Variants in FBLN7 observed in about 807,000 individuals in gnomAD.
The protein encoded by FBLN7 is fibulin 7.
In FBLN7, 31 loss-of-function variants were observed where a neutral mutation model predicts 44.0. The ratio of observed to expected loss-of-function variants is 0.70; its 90% CI spans 0.53 to 0.95. The LOEUF (loss-of-function observed/expected upper bound fraction) is 0.95, where lower values mean the gene tolerates loss of function less well. FBLN7 is among the 40% of genes least tolerant of loss of function. The pLI is 0.00. For synonymous variants in FBLN7, 262 were observed against 253.4 expected (o/e 1.03, Z -0.32); for missense variants, 573 against 618.5 (o/e 0.93, Z 0.78).
the FBLN7 span, among the ~76,000 whole-genome samples, chr2:112,216,820 C>T: frequency 5.9e-5 from 9 of 151,582 alleles, no homozygotes; most frequent in African/African-American, 1.7e-4. Context: ...TAAACATTAT[C>T]GGACAAAAGC....
At chr2:112,177,023 C>A in intron 4 of FBLN7, 1 of 152,118 alleles carries the variant, frequency 6.6e-6, no homozygotes, top group Non-Finnish European at 1.5e-5. Context: ...GCAACCTCCG[C>A]CTCCTGAGTT....
At chr2:112,228,500 C>CAA in the FBLN7 span, among the ~76,000 whole-genome samples, 2 of 77,048 alleles carry the variant, frequency 2.6e-5, no homozygotes, top group Admixed American at 1.5e-4. Context: ...GACTCTGTCT[C>CAA]AAAAAAAAAA....
chr2:112,205,351 A>G, the FBLN7 span, among the ~76,000 whole-genome samples: 1 of 152,132 alleles, frequency 6.6e-6, no homozygotes, highest in Non-Finnish European at 1.5e-5. Context: ...CAGCAATTAT[A>G]TTAAGTGTAT....
the FBLN7 span, among the ~76,000 whole-genome samples, chr2:112,210,567 A>G: frequency 2.0e-5 from 3 of 149,992 alleles, no homozygotes; most frequent in Non-Finnish European, 4.4e-5. Flanking sequence ...GAGGCAGGAG[A>G]ACTGCTTGAA....
chr2:112,174,642 T>C (rs1348607423), intron 3 of FBLN7, among the ~76,000 whole-genome samples: 1 of 152,248 alleles, frequency 6.6e-6, no homozygotes, highest in African/African-American at 2.4e-5. Context: ...TTCTGTGCAC[T>C]AAAACTGGGC....
chr2:112,238,249 C>T, the FBLN7 span: 11 of 1,486,334 alleles, frequency 7.4e-6, no homozygotes, highest in East Asian at 6.8e-5. Flanking sequence ...ATCCTCTGTC[C>T]GTATATGGAC....
intron 4 of FBLN7, among the ~76,000 whole-genome samples, chr2:112,179,097 C>T (rs758343316): frequency 1.3e-5 from 2 of 152,156 alleles, no homozygotes; most frequent in Admixed American, 6.5e-5. Context: ...CCCAAAGTCT[C>T]GGCCCAAAAG....
chr2:112,169,378 A>C (rs1405544756), intron 3 of FBLN7, among the ~76,000 whole-genome samples: 1 of 152,142 alleles, frequency 6.6e-6, no homozygotes, highest in African/African-American at 2.4e-5. Context: ...GGCTTTCTCC[A>C]TTTCTCCTTT....
chr2:112,143,024 A>G (rs1000495683), intron 1 of FBLN7, among the ~76,000 whole-genome samples: 2 of 152,154 alleles, frequency 1.3e-5, no homozygotes, highest in Non-Finnish European at 2.9e-5. Flanking sequence ...TGCAGGGTCC[A>G]GAGCAGTGGT....
chr2:112,219,006 G>T, the FBLN7 span, among the ~76,000 whole-genome samples: 1 of 152,134 alleles, frequency 6.6e-6, no homozygotes, highest in South Asian at 2.1e-4. Context: ...AGACAATATT[G>T]TTAAGATGTT....
At chr2:112,221,406 T>A in the FBLN7 span, among the ~76,000 whole-genome samples, 1 of 152,204 alleles carries the variant, frequency 6.6e-6, no homozygotes, top group East Asian at 1.9e-4. Flanking sequence ...CCTTCTGCCA[T>A]GTCTGTAAGT....
intron 3 of FBLN7, among the ~76,000 whole-genome samples, chr2:112,169,454 G>A (rs554987760): frequency 4.6e-5 from 7 of 152,200 alleles, no homozygotes; most frequent in African/African-American, 1.7e-4. Context: ...TTTCTGAATT[G>A]GTAACCATAG....
At chr2:112,224,945 T>C in the FBLN7 span, among the ~76,000 whole-genome samples, 3 of 152,208 alleles carry the variant, frequency 2.0e-5, no homozygotes, top group African/African-American at 7.2e-5. Flanking sequence ...CTGTATACTC[T>C]CCATTTATTT....
downstream of FBLN7, chr2:112,188,500 A>G (rs1447580132): frequency 6.6e-6 from 1 of 152,218 alleles, no homozygotes; most frequent in Non-Finnish European, 1.5e-5. Context: ...CAGGTGATCA[A>G]AGAGAGAAAA....
At chr2:112,185,365 C>T (rs981538301) in intron 7 of FBLN7, 26 bp downstream of exon 7, 1 of 1,602,356 alleles carries the variant, frequency 6.2e-7, no homozygotes, top group African/African-American at 1.3e-5. Flanking sequence ...GGAGGCACAC[C>T]CTCACCCAGG....
intron 4 of FBLN7, among the ~76,000 whole-genome samples, chr2:112,180,063 T>C (rs1460012310): frequency 1.3e-5 from 2 of 152,152 alleles, no homozygotes; most frequent in African/African-American, 4.8e-5. Flanking sequence ...ACCTACAGAA[T>C]GGGAGAAAAT....
At chr2:112,209,288 C>T in the FBLN7 span, among the ~76,000 whole-genome samples, 1 of 152,172 alleles carries the variant, frequency 6.6e-6, no homozygotes, top group African/African-American at 2.4e-5. Flanking sequence ...ATCTGCACCT[C>T]CGGCTGCTTC....
chr2:112,208,542 TTC>T, the FBLN7 span, among the ~76,000 whole-genome samples: 6 of 152,338 alleles, frequency 3.9e-5, 1 homozygote, highest in South Asian at 1.2e-3. Flanking sequence ...ATTGTTGGTA[TTC>T]TGTTTGATCC....
At chr2:112,163,051 T>G (rs914560157) in intron 2 of FBLN7, among the ~76,000 whole-genome samples, 1 of 152,142 alleles carries the variant, frequency 6.6e-6, no homozygotes, top group African/African-American at 2.4e-5. Context: ...ACTTGGAGCT[T>G]TACTCAAGGA....
Sources: allele counts gnomAD v4.1 joint callset (sites outside exome capture counted in the v4.1 genomes callset), GRCh38; gene constraint gnomAD v4.1.1; transcripts MANE v1.5; gene names NCBI Gene and HGNC (gene_info 2026-07-23, HGNC 2026-07-21).